NBPF8: variants seen among roughly 807,000 people sequenced by gnomAD.
The protein encoded by NBPF8 is NBPF family member NBPF8.
intron 3 of NBPF8, among the ~76,000 whole-genome samples, chr1:120,428,101 C>T (rs1413696539): frequency 6.6e-6 from 1 of 151,926 alleles, no homozygotes; most frequent in African/African-American, 2.4e-5. Context: ...AAAATATTGC[C>T]TTGTTTCCTT....
chr1:120,431,358 G>T (rs1317048081), upstream of NBPF8, among the ~76,000 whole-genome samples: 1 of 17,708 alleles, frequency 5.6e-5, no homozygotes, highest in African/African-American at 3.5e-4. Context: ...TCCAAATAGG[G>T]AATATATATA....
At chr1:120,466,319 CAT>C (rs1661749996) in exon 25 of NBPF8, 1 of 1,525,220 alleles carries the variant, frequency 6.6e-7, no homozygotes, top group African/African-American at 1.4e-5. Flanking sequence ...GAAGCCCAGA[CAT>C]AGGATGGGTC....
intron 18 of NBPF8, among the ~76,000 whole-genome samples, chr1:120,461,012 C>T (rs1401314972): frequency 8.4e-5 from 11 of 130,544 alleles, no homozygotes; most frequent in East Asian, 6.6e-4. Context: ...TCACTGAGCT[C>T]GAACTGTGTG....
At chr1:120,431,594 C>G (rs1169026622), upstream of NBPF8, among the ~76,000 whole-genome samples, 1 of 151,220 alleles carries the variant, frequency 6.6e-6, no homozygotes, top group Non-Finnish European at 1.5e-5. Flanking sequence ...CACTACATAT[C>G]CATAAGAATG....
exon 13 of NBPF8, chr1:120,452,144 G>C (rs1395944345): frequency 6.2e-7 from 1 of 1,605,658 alleles, no homozygotes; most frequent in Admixed American, 1.7e-5. Context: ...TTCACACTCA[G>C]GAACGAGAGC....
upstream of NBPF8, among the ~76,000 whole-genome samples, chr1:120,415,267 G>T (rs1299965564): frequency 1.3e-5 from 2 of 152,172 alleles, no homozygotes; most frequent in Admixed American, 1.3e-4. Flanking sequence ...TCCACCCAGC[G>T]TTTCCGAGGT....
In NBPF8 at chr1:120,456,857, G is replaced by C. The variant is rs201686767; in HGVS notation, n.2620+1397G>C. ...TTAGTTGATGCAATTTCTTCCTAGCGTCAATGGTCTTTACAGTTTGGCATG... is the reference window on the plus strand; with the variant it reads ...TTAGTTGATGCAATTTCTTCCTAGCCTCAATGGTCTTTACAGTTTGGCATG... On this transcript the variant is annotated intron_variant and non_coding_transcript_variant, in intron 16 of 24. Coordinates refer to ENST00000583271, the Ensembl canonical transcript of NBPF8. Among the ~76,000 whole-genome samples the C allele has an allele frequency of 3.2e-4, 49 of 152,006 alleles. No homozygotes were observed. In the East Asian group the frequency reaches 8.5e-3, roughly 26 times the overall value.
At chr1:120,468,001 G>C (rs1466442404), downstream of NBPF8, among the ~76,000 whole-genome samples, 1 of 151,410 alleles carries the variant, frequency 6.6e-6, no homozygotes, top group Non-Finnish European at 1.5e-5. Flanking sequence ...ATTTAGGAAG[G>C]GTTGTATAGC....
downstream of NBPF8, among the ~76,000 whole-genome samples, chr1:120,468,064 C>A (rs1309535631): frequency 1.8e-4 from 27 of 151,520 alleles, no homozygotes; most frequent in East Asian, 3.7e-3. Flanking sequence ...TCCCTTTGAA[C>A]TAGACACACT....
intron 18 of NBPF8, among the ~76,000 whole-genome samples, chr1:120,460,827 G>A (rs1174982647): frequency 2.0e-5 from 3 of 151,924 alleles, no homozygotes; most frequent in South Asian, 4.2e-4. Flanking sequence ...CTAACCTAGT[G>A]AAAGTTGACC....
chr1:120,460,616 A>C, exon 18 of NBPF8: 7 of 1,375,564 alleles, frequency 5.1e-6, no homozygotes, highest in South Asian at 2.3e-5. Context: ...AAGAGGCAAC[A>C]GGTCCCAGGT....
intron 3 of NBPF8, among the ~76,000 whole-genome samples, chr1:120,430,752 CAAAA>C (rs1160946903): frequency 4.9e-5 from 2 of 41,232 alleles, no homozygotes; most frequent in East Asian, 6.8e-4. Context: ...GACTCTGTCT[CAAAA>C]AAAAAAAAAA....
At chr1:120,468,238 A>G (rs1217365431), downstream of NBPF8, among the ~76,000 whole-genome samples, 1 of 150,846 alleles carries the variant, frequency 6.6e-6, no homozygotes, top group Non-Finnish European at 1.5e-5. Context: ...TGTGATTATC[A>G]TCTTGCCCCT....
rs1391258794 is a variant in NBPF8 at position 120,449,940 on chromosome 1, G to A, written n.1971+538G>A. Among the ~76,000 whole-genome samples, 10 of 152,216 alleles carry A rather than the reference G, an allele frequency of 6.6e-5. No individual in the cohort carries two copies. The East Asian group carries it at 1.2e-3, about 18-fold the overall frequency. ...TATAAGTGACAGCATCAAGAGCAGGGAGTAGGGGCCGTGCATGGTGGCTCA... is the reference window on the plus strand; with the variant it reads ...TATAAGTGACAGCATCAAGAGCAGGAAGTAGGGGCCGTGCATGGTGGCTCA... On this transcript the variant is annotated intron_variant and non_coding_transcript_variant, in intron 11 of 24. Coordinates refer to ENST00000583271, the Ensembl canonical transcript of NBPF8.
intron 18 of NBPF8, among the ~76,000 whole-genome samples, chr1:120,460,825 G>C (rs1375123597): frequency 1.3e-5 from 2 of 151,802 alleles, no homozygotes; most frequent in African/African-American, 4.8e-5. Context: ...TACTAACCTA[G>C]TGAAAGTTGA....
intron 15 of NBPF8, 148 bp from the exon 14 acceptor site, chr1:120,455,261 A>C (rs1661403123): frequency 3.2e-6 from 2 of 623,596 alleles, no homozygotes. Flanking sequence ...CACCAAAGTT[A>C]ATCTAGGACA....
chr1:120,466,052 C>A (rs1224899370), exon 25 of NBPF8: 1 of 1,611,986 alleles, frequency 6.2e-7, no homozygotes, highest in Non-Finnish European at 8.5e-7. Context: ...TATTCGACTC[C>A]ATCAATGTAC....
intron 14 of NBPF8, 114 bp downstream of exon 12, chr1:120,453,558 A>G (rs1282130664): frequency 0.011 from 11,034 of 961,522 alleles, 159 homozygotes; most frequent in African/African-American, 0.027. Flanking sequence ...GCTTAGCCAC[A>G]GTATGTGAAA....
At chr1:120,415,297 G>C (rs1553244948), upstream of NBPF8, among the ~76,000 whole-genome samples, 2 of 152,142 alleles carry the variant, frequency 1.3e-5, no homozygotes, top group African/African-American at 2.4e-5. Context: ...GCGCCAGGCC[G>C]GGGGGCGGTG....
Sources: allele counts gnomAD v4.1 joint callset (sites outside exome capture counted in the v4.1 genomes callset), GRCh38; gene constraint gnomAD v4.1.1; transcripts MANE v1.5; gene names NCBI Gene and HGNC (gene_info 2026-07-23, HGNC 2026-07-21).